PDE4D: variants seen among roughly 807,000 people sequenced by gnomAD.
PDE4D encodes the protein phosphodiesterase 4D, also known as 3',5'-cyclic-AMP phosphodiesterase 4D.
PDE4D carries 24 observed loss-of-function variants against 87.4 expected under a neutral mutation model. The observed-to-expected ratio is 0.27, with a 90% confidence interval of 0.20 to 0.39. The LOEUF (loss-of-function observed/expected upper bound fraction) is 0.39, where lower values mean the gene tolerates loss of function less well. PDE4D is among the 10% of genes least tolerant of loss of function. PDE4D has a pLI of 1.00. For synonymous variants in PDE4D, 384 were observed against 383.2 expected (o/e 1.00, Z -0.02); for missense variants, 714 against 1,041.0 (o/e 0.69, Z 4.32).
At chr5:60,046,600 C>T (rs978192917) in intron 2 of PDE4D, among the ~76,000 whole-genome samples, 7 of 152,074 alleles carry the variant, frequency 4.6e-5, no homozygotes, top group Non-Finnish European at 7.4e-5. Context: ...TTGTCAAAGG[C>T]CTTTTCTGCA....
chr5:60,317,717 C>A (rs991368227), intron 1 of PDE4D, among the ~76,000 whole-genome samples: 1 of 152,158 alleles, frequency 6.6e-6, no homozygotes, highest in African/African-American at 2.4e-5. Context: ...CAAAGAACAT[C>A]TTTATTTCTG....
chr5:59,145,544 A>T (rs1581046873), intron 5 of PDE4D, among the ~76,000 whole-genome samples: 2 of 152,382 alleles, frequency 1.3e-5, no homozygotes, highest in African/African-American at 4.8e-5. Context: ...GCAATTTTAC[A>T]TTCACCTAGA....
chr5:59,107,107 C>CTGTG (rs145505572), intron 5 of PDE4D, among the ~76,000 whole-genome samples: 1 of 151,686 alleles, frequency 6.6e-6, no homozygotes, highest in African/African-American at 2.4e-5. Context: ...CAAGCTACAT[C>CTGTG]TGTGTGTGTG....
Position 58,984,572 on chromosome 5 carries a change from C to G in PDE4D, c.1552+3921G>C, listed in dbSNP as rs115487509. ...AAAATAAAATTCTACATACAATCTA[C>G]TAGTGTAGCTATGAAAATTTTAATT... is the stretch of plus-strand genomic sequence containing the variant. On this transcript the variant is annotated intron_variant, in intron 11 of 14. Transcript: ENST00000340635. Among the ~76,000 whole-genome samples the G allele has an allele frequency of 5.6e-3, 850 of 152,200 alleles. 6 individuals carry two copies. The highest frequency in any genetic ancestry group is 0.019 in the African/African-American group (806 of 41,544).
intron 1 of PDE4D, among the ~76,000 whole-genome samples, chr5:59,684,163 C>T (rs1226450121): frequency 6.6e-6 from 1 of 152,178 alleles, no homozygotes; most frequent in Non-Finnish European, 1.5e-5. Context: ...TCAAGTCCTG[C>T]TTTAAATCCT....
At position 59,492,326 on chromosome 5, in the gene PDE4D, A is replaced by G. The variant is rs1037306321; in HGVS notation, c.456-276358T>C. Among the ~76,000 whole-genome samples the G allele has an allele frequency of 2.2e-4, 34 of 152,220 alleles. 1 individual carries two copies. Among genetic ancestry groups the G allele is most frequent in the Admixed American group, 2.2e-3 (33 of 15,286 alleles). ...TTATTCAAGATTACCTACTTATATTAATCCAGAAATAATATAAGAAATGCT... is the reference window on the plus strand; with the variant it reads ...TTATTCAAGATTACCTACTTATATTGATCCAGAAATAATATAAGAAATGCT... On this transcript the variant is annotated intron_variant, in intron 1 of 14. Coordinates refer to ENST00000340635, the MANE Select transcript of PDE4D (RefSeq NM_001104631.2).
chr5:60,302,821 TTTTTGTTTTG>T (rs144243148), intron 1 of PDE4D, among the ~76,000 whole-genome samples: 75 of 151,954 alleles, frequency 4.9e-4, no homozygotes, highest in Non-Finnish European at 6.6e-4. Flanking sequence ...AAATTTTGGT[TTTTTGTTTTG>T]TTTTGTTTTG....
At chr5:60,266,187 A>G (rs1750188895) in intron 1 of PDE4D, among the ~76,000 whole-genome samples, 1 of 152,170 alleles carries the variant, frequency 6.6e-6, no homozygotes, top group Non-Finnish European at 1.5e-5. Context: ...TCTTATCATC[A>G]GTAAATGCAA....
At chr5:59,368,452 T>A (rs1783433691) in intron 1 of PDE4D, among the ~76,000 whole-genome samples, 1 of 152,184 alleles carries the variant, frequency 6.6e-6, no homozygotes, top group Non-Finnish European at 1.5e-5. Context: ...CACCTGAAAT[T>A]TCATATGATA....
chr5:59,939,373 G>A (rs1239544179), intron 3 of PDE4D, among the ~76,000 whole-genome samples: 1 of 152,002 alleles, frequency 6.6e-6, no homozygotes, highest in African/African-American at 2.4e-5. Flanking sequence ...ACCTACTGTG[G>A]GTCAGTGAAT....
intron 2 of PDE4D, among the ~76,000 whole-genome samples, chr5:60,170,911 T>C (rs1463199697): frequency 6.6e-6 from 1 of 152,008 alleles, no homozygotes; most frequent in Non-Finnish European, 1.5e-5. Context: ...TGGTAAACCA[T>C]AAAATCTGTC....
chr5:59,884,795 T>C (rs1283859724), intron 1 of PDE4D, among the ~76,000 whole-genome samples: 1 of 152,098 alleles, frequency 6.6e-6, no homozygotes, highest in Admixed American at 6.5e-5. Context: ...AAAGTGGCTA[T>C]GTCTGTATAC....
chr5:59,363,548 T>C (rs1782561460), intron 1 of PDE4D, among the ~76,000 whole-genome samples: 1 of 152,198 alleles, frequency 6.6e-6, no homozygotes, highest in Non-Finnish European at 1.5e-5. Flanking sequence ...AGTTTTGAAC[T>C]TTCACAGGAA....
chr5:60,268,699 G>C (rs1209133524), intron 1 of PDE4D, among the ~76,000 whole-genome samples: 1 of 152,178 alleles, frequency 6.6e-6, no homozygotes, highest in African/African-American at 2.4e-5. Flanking sequence ...AAAGCTCTTT[G>C]ATCTGAGGCC....
chr5:59,432,130 T>C (rs1796193969), intron 1 of PDE4D, among the ~76,000 whole-genome samples: 1 of 152,184 alleles, frequency 6.6e-6, no homozygotes, highest in East Asian at 1.9e-4. Flanking sequence ...GTAGGATTAA[T>C]GGGAGGGAAA....
At chr5:59,231,401 G>C (rs1484973326) in intron 1 of PDE4D, among the ~76,000 whole-genome samples, 2 of 152,164 alleles carry the variant, frequency 1.3e-5, no homozygotes, top group Non-Finnish European at 2.9e-5. Flanking sequence ...GCCACTTTCA[G>C]GACTGGCTCA....
chr5:59,946,500 C>A (rs1317265086), intron 3 of PDE4D, among the ~76,000 whole-genome samples: 3 of 152,144 alleles, frequency 2.0e-5, no homozygotes, highest in African/African-American at 7.2e-5. Flanking sequence ...TTTCACAAGT[C>A]GGAGTGCTGG....
intron 1 of PDE4D, among the ~76,000 whole-genome samples, chr5:60,340,080 G>C (rs567066257): frequency 3.9e-5 from 6 of 152,194 alleles, no homozygotes; most frequent in African/African-American, 1.4e-4. Context: ...GCTTTGGAGC[G>C]CCTAAAAACT....
At chr5:59,903,068 G>A (rs891902098) in intron 3 of PDE4D, among the ~76,000 whole-genome samples, 4 of 152,122 alleles carry the variant, frequency 2.6e-5, no homozygotes, top group African/African-American at 4.8e-5. Flanking sequence ...CTTTGGCTGC[G>A]AGTTGCCCAA....
Sources: allele counts gnomAD v4.1 joint callset (sites outside exome capture counted in the v4.1 genomes callset), GRCh38; gene constraint gnomAD v4.1.1; transcripts MANE v1.5; gene names NCBI Gene and HGNC (gene_info 2026-07-23, HGNC 2026-07-21).